Variants in SLC39A11 observed in about 807,000 individuals in gnomAD.
SLC39A11 encodes the protein zinc transporter ZIP11.
A neutral mutation model predicts 36.1 loss-of-function variants in SLC39A11; 33 were observed. That is an observed-to-expected ratio of 0.91 (90% CI 0.69 to 1.22). The LOEUF (loss-of-function observed/expected upper bound fraction) is 1.22, where lower values mean the gene tolerates loss of function less well. Among genes scored for constraint, SLC39A11 ranks in the 50% most tolerant of loss-of-function variants. SLC39A11 has a pLI of 0.00. For synonymous variants in SLC39A11, 166 were observed against 170.3 expected (o/e 0.97, Z 0.20); for missense variants, 432 against 430.3 (o/e 1.00, Z -0.03).
chr17:72,892,121 A>G (rs2081779756), intron 5 of SLC39A11, among the ~76,000 whole-genome samples: 1 of 152,180 alleles, frequency 6.6e-6, no homozygotes, highest in South Asian at 2.1e-4. Flanking sequence ...GTCTAATTAT[A>G]AAAAGTTATT....
intron 7 of SLC39A11, among the ~76,000 whole-genome samples, chr17:72,667,539 T>C (rs1185159018): frequency 6.6e-6 from 1 of 152,180 alleles, no homozygotes; most frequent in South Asian, 2.1e-4. Flanking sequence ...GCAGGGTGCA[T>C]GGCCAGGACG....
intron 4 of SLC39A11, among the ~76,000 whole-genome samples, chr17:72,995,876 C>G (rs1256833700): frequency 1.3e-5 from 2 of 152,152 alleles, no homozygotes; most frequent in Non-Finnish European, 2.9e-5. Flanking sequence ...TGAATCCTGA[C>G]TAATATACTC....
chr17:72,979,069 A>G (rs1214414861), intron 4 of SLC39A11, among the ~76,000 whole-genome samples: 1 of 152,114 alleles, frequency 6.6e-6, no homozygotes, highest in African/African-American at 2.4e-5. Flanking sequence ...CAAGGGAGAG[A>G]CCACGCGGAG....
intron 6 of SLC39A11, 77 bp from the exon 7 acceptor site, chr17:72,736,796 T>C (rs1053704922): frequency 1.7e-6 from 2 of 1,176,540 alleles, no homozygotes; most frequent in Non-Finnish European, 2.6e-6. Context: ...TGTCACTGCA[T>C]TAAGTAGGAC....
intron 7 of SLC39A11, among the ~76,000 whole-genome samples, chr17:72,669,640 T>C (rs1003004495): frequency 1.3e-5 from 2 of 152,184 alleles, no homozygotes; most frequent in African/African-American, 4.8e-5. Flanking sequence ...GCTGGGTTTC[T>C]CCACTATGAA....
chr17:72,752,899 G>A (rs981866547), intron 6 of SLC39A11, among the ~76,000 whole-genome samples: 33 of 152,042 alleles, frequency 2.2e-4, no homozygotes, highest in African/African-American at 6.8e-4. Context: ...TCTGTGGCCC[G>A]GGCTGGAGTG....
At chr17:72,819,731 C>T (rs1000239623) in intron 6 of SLC39A11, among the ~76,000 whole-genome samples, 1 of 151,236 alleles carries the variant, frequency 6.6e-6, no homozygotes, top group African/African-American at 2.4e-5. Flanking sequence ...CTTGGTGGAT[C>T]CCAAACCATT....
intron 3 of SLC39A11, among the ~76,000 whole-genome samples, chr17:73,055,683 G>C (rs1231351315): frequency 2.0e-5 from 3 of 152,058 alleles, no homozygotes; most frequent in African/African-American, 7.2e-5. Flanking sequence ...ATGTTGCCCA[G>C]GTTGGTCTTG....
At chr17:72,691,474 A>G (rs1371049257) in intron 7 of SLC39A11, among the ~76,000 whole-genome samples, 1 of 152,230 alleles carries the variant, frequency 6.6e-6, no homozygotes, top group Non-Finnish European at 1.5e-5. Context: ...CTCACTTGAC[A>G]GTTACTTACT....
chr17:72,720,648 C>A (rs1567983708), intron 7 of SLC39A11, among the ~76,000 whole-genome samples: 1 of 152,128 alleles, frequency 6.6e-6, no homozygotes, highest in Non-Finnish European at 1.5e-5. Context: ...GTGCTACCTA[C>A]CATCCACCAG....
intron 5 of SLC39A11, among the ~76,000 whole-genome samples, chr17:72,887,818 T>C (rs190014143): frequency 1.3e-5 from 2 of 152,270 alleles, no homozygotes; most frequent in East Asian, 3.9e-4. Flanking sequence ...TAAAGTGCCA[T>C]CTCTCCTCAG....
In SLC39A11 at chr17:72,857,810, C is replaced by T. The variant is rs1053356220; in HGVS notation, c.431-8006G>A. 2.6e-5 allele frequency among the ~76,000 whole-genome samples: 4 copies of T among 152,146 alleles called. No homozygotes were observed. The East Asian group carries it at 7.7e-4, about 29-fold the overall frequency. ...TTTCGAAAAGTGTTCGTGTCCTCTG[C>T]TCACTCTTTAATGGGGTTGTTTCTT... On this transcript the variant is annotated intron_variant, in intron 5 of 9. Coordinates refer to ENST00000255559, the MANE Select transcript of SLC39A11 (RefSeq NM_139177.4).
rs535001746 is a variant in SLC39A11, at chr17:72,739,405, G to A, written c.602-2686C>T. On this transcript the variant is annotated intron_variant, in intron 6 of 9. Coordinates refer to ENST00000255559, the MANE Select transcript of SLC39A11 (RefSeq NM_139177.4). ...GCCTCCCAAAGTGCTGGGATTACAG[G>A]CATGAGCCACTGCACGCAGTGAGAA... Among the ~76,000 whole-genome samples, 3 of 152,314 alleles carry A rather than the reference G, an allele frequency of 2.0e-5. No homozygotes were observed. In the East Asian group the frequency reaches 5.8e-4, roughly 29 times the overall value.
chr17:72,780,861 T>C (rs574169079), intron 6 of SLC39A11, among the ~76,000 whole-genome samples: 5,612 of 152,042 alleles, frequency 0.037, 326 homozygotes, highest in African/African-American at 0.13. Flanking sequence ...GTGGCAAACG[T>C]CTGTAATCCC....
chr17:72,754,948 CAA>C (rs953167917), intron 6 of SLC39A11, among the ~76,000 whole-genome samples: 6 of 152,334 alleles, frequency 3.9e-5, no homozygotes, highest in Admixed American at 6.5e-5. Flanking sequence ...CACACAAAAA[CAA>C]AAGTCTAAAT....
At position 72,647,661 on chromosome 17, in the gene SLC39A11, C is replaced by T. The variant is rs1321936733; in HGVS notation, c.931G>A (p.Gly311Ser). 1.2e-6 allele frequency: 2 copies of T among 1,613,514 alleles called. No homozygotes were observed. The highest frequency in any genetic ancestry group is 2.7e-5 in the African/African-American group (2 of 74,886). ...DDIIPEAQIS[G>S]NGKLASWASI... ...GCCCAGGATGCCAGTTTCCCATTACCACTGGAAGAGAAGGACAGGAAGAAA... is the reference window on the plus strand; with the variant it reads ...GCCCAGGATGCCAGTTTCCCATTACTACTGGAAGAGAAGGACAGGAAGAAA... Residue 311 changes from glycine (G) to serine (S), a missense_variant and splice_region_variant, in exon 10 of 10, where the codon GGT becomes AGT. Physicochemically the swap from Gly to Ser is moderately conservative, Grantham distance 56. Transcript: ENST00000255559.
chr17:72,909,452 C>T (rs894727924), intron 5 of SLC39A11, among the ~76,000 whole-genome samples: 1 of 152,202 alleles, frequency 6.6e-6, no homozygotes, highest in Non-Finnish European at 1.5e-5. Context: ...GGTCTCCATG[C>T]AACACGCTCT....
intron 6 of SLC39A11, among the ~76,000 whole-genome samples, chr17:72,801,714 T>A (rs1363710648): frequency 6.6e-6 from 1 of 152,224 alleles, no homozygotes; most frequent in Non-Finnish European, 1.5e-5. Flanking sequence ...AAATTTACTA[T>A]GTATATCTAT....
intron 2 of SLC39A11, among the ~76,000 whole-genome samples, chr17:73,086,895 C>T (rs1470864211): frequency 6.6e-6 from 1 of 151,714 alleles, no homozygotes; most frequent in African/African-American, 2.4e-5. Flanking sequence ...TCTACTAAAA[C>T]TACAAAAAAA....
Sources: allele counts gnomAD v4.1 joint callset (sites outside exome capture counted in the v4.1 genomes callset), GRCh38; gene constraint gnomAD v4.1.1; transcripts MANE v1.5; gene names NCBI Gene and HGNC (gene_info 2026-07-23, HGNC 2026-07-21).